CSMD1: variants seen among roughly 807,000 people sequenced by gnomAD.
CSMD1 encodes CUB and sushi domain-containing protein 1.
In CSMD1, 213 loss-of-function variants were observed where a neutral mutation model predicts 417.5. The observed-to-expected ratio is 0.51, with a 90% CI of 0.46 to 0.57. The LOEUF (loss-of-function observed/expected upper bound fraction) is 0.57, where lower values mean the gene tolerates loss of function less well. CSMD1 is among the 20% of genes least tolerant of loss of function. The probability of loss-of-function intolerance (pLI) is 0.00; values close to 1 mark genes in which losing one functional copy is unlikely to be tolerated. For synonymous variants in CSMD1, 2,862 were observed against 1,736.8 expected (o/e 1.65, Z -16.11); for missense variants, 6,923 against 4,529.7 (o/e 1.53, Z -15.17).
chr8:3,751,966 G>C (rs1398086456), intron 6 of CSMD1, among the ~76,000 whole-genome samples: 3 of 152,166 alleles, frequency 2.0e-5, no homozygotes, highest in Admixed American at 2.0e-4. Flanking sequence ...TTATGGTTAT[G>C]TTAAATCTGG....
chr8:3,345,587 G>C (rs1807937056), intron 22 of CSMD1, among the ~76,000 whole-genome samples: 1 of 152,142 alleles, frequency 6.6e-6, no homozygotes, highest in African/African-American at 2.4e-5. Flanking sequence ...ACATTTCCTA[G>C]TTATATTTTT....
rs145795321 is a variant in CSMD1, at chr8:3,502,558, G to A, written c.1345-8832C>T. ...AAGGAAATGAGCTGTCAAGCCATGA[G>A]AAAACATGGGGGAAAACTAAATATA... On this transcript the variant is annotated intron_variant, in intron 10 of 69. Coordinates refer to ENST00000635120, the MANE Select transcript of CSMD1 (RefSeq NM_033225.6). 1.9e-3 allele frequency among the ~76,000 whole-genome samples: 288 copies of A among 152,196 alleles called. 1 individual carries two copies. Among genetic ancestry groups the A allele is most frequent in the African/African-American group, 6.7e-3 (278 of 41,538 alleles).
At chr8:3,904,682 G>T (rs1394119872) in intron 5 of CSMD1, among the ~76,000 whole-genome samples, 1 of 146,426 alleles carries the variant, frequency 6.8e-6, no homozygotes, top group South Asian at 2.1e-4. Flanking sequence ...TGTCACCCCG[G>T]TTGGACTGCA....
intron 7 of CSMD1, among the ~76,000 whole-genome samples, chr8:3,625,677 A>G (rs1563210258): frequency 2.6e-5 from 4 of 152,184 alleles, no homozygotes; most frequent in South Asian, 4.1e-4. Context: ...TATTGTACAT[A>G]AAAAATAAAA....
At chr8:4,941,854 C>G (rs553415934) in intron 1 of CSMD1, among the ~76,000 whole-genome samples, 5 of 152,178 alleles carry the variant, frequency 3.3e-5, no homozygotes. Flanking sequence ...CCCACCTCAG[C>G]CTACCAAAGT....
At position 3,355,590 on chromosome 8, in the gene CSMD1, A is replaced by G. The variant is rs997162592; in HGVS notation, c.3304+3562T>C. On this transcript the variant is annotated intron_variant, in intron 21 of 69. Coordinates refer to ENST00000635120, the MANE Select transcript of CSMD1 (RefSeq NM_033225.6). ...AAGCGATCTTCACATAGCTGTTTCC[A>G]CAGAACTGCACGATGTGGGGCTACA... Among the ~76,000 whole-genome samples, 3 of 152,128 alleles carry G rather than the reference A, an allele frequency of 2.0e-5. 1 individual carries two copies. The highest frequency in any genetic ancestry group is 2.0e-4 in the Admixed American group (3 of 15,274).
chr8:3,616,990 T>G (rs1398073835), intron 7 of CSMD1, among the ~76,000 whole-genome samples, 193 bp from the exon 8 acceptor site: 1 of 152,154 alleles, frequency 6.6e-6, no homozygotes, highest in Non-Finnish European at 1.5e-5. Flanking sequence ...ACATGTGTTT[T>G]CCAGTGAAAG....
chr8:4,889,191 G>A (rs918393468), intron 1 of CSMD1, among the ~76,000 whole-genome samples: 3 of 152,032 alleles, frequency 2.0e-5, no homozygotes, highest in Non-Finnish European at 4.4e-5. Flanking sequence ...TGACAGACAT[G>A]CCCCAACCAA....
chr8:4,007,902 T>TA (rs148416645), intron 4 of CSMD1, among the ~76,000 whole-genome samples: 4,198 of 151,998 alleles, frequency 0.028, 190 homozygotes, highest in African/African-American at 0.095. Context: ...GAATGAGTGT[T>TA]AAAAAAAAGT....
chr8:4,039,846 C>A (rs1797797083), intron 3 of CSMD1, among the ~76,000 whole-genome samples: 1 of 152,134 alleles, frequency 6.6e-6, no homozygotes, highest in Non-Finnish European at 1.5e-5. Context: ...TGGGTTTCTG[C>A]TCCAGAAAGT....
intron 19 of CSMD1, among the ~76,000 whole-genome samples, chr8:3,367,789 T>C (rs537259897): frequency 1.3e-5 from 2 of 152,298 alleles, no homozygotes; most frequent in South Asian, 2.1e-4. Flanking sequence ...GATGTACATA[T>C]TGGCATAGAT....
chr8:4,030,596 T>G (rs1275846304), intron 4 of CSMD1, among the ~76,000 whole-genome samples: 1 of 152,160 alleles, frequency 6.6e-6, no homozygotes, highest in Non-Finnish European at 1.5e-5. Context: ...TCCAGGCCTG[T>G]GATGGGAGGG....
At chr8:3,683,040 C>T (rs2117619375) in intron 7 of CSMD1, among the ~76,000 whole-genome samples, 1 of 152,026 alleles carries the variant, frequency 6.6e-6, no homozygotes, top group South Asian at 2.1e-4. Context: ...ACACCAGGGA[C>T]TGTTGTGGGG....
chr8:3,053,569 G>C (rs1003579967), intron 49 of CSMD1, among the ~76,000 whole-genome samples: 2 of 152,116 alleles, frequency 1.3e-5, no homozygotes, highest in Admixed American at 6.5e-5. Context: ...GCATCTAGTG[G>C]GGATGTGGAC....
intron 20 of CSMD1, among the ~76,000 whole-genome samples, chr8:3,366,128 G>T (rs538881438): frequency 6.6e-6 from 1 of 152,224 alleles, no homozygotes; most frequent in South Asian, 2.1e-4. Context: ...TGGGCTATGA[G>T]GAATAAGGAA....
chr8:3,069,575 G>C (rs1424182077), intron 49 of CSMD1, among the ~76,000 whole-genome samples: 5 of 152,184 alleles, frequency 3.3e-5, no homozygotes, highest in Admixed American at 6.5e-5. Flanking sequence ...CCACTACAAG[G>C]GGTGGTTTCG....
chr8:4,030,880 T>C (rs370003264), intron 4 of CSMD1, among the ~76,000 whole-genome samples: 1 of 152,174 alleles, frequency 6.6e-6, no homozygotes, highest in East Asian at 1.9e-4. Flanking sequence ...CCCCAAATCA[T>C]CTCTCTCAAG....
intron 1 of CSMD1, among the ~76,000 whole-genome samples, chr8:4,961,457 C>T (rs1318687470): frequency 2.6e-5 from 4 of 152,122 alleles, no homozygotes; most frequent in African/African-American, 9.7e-5. Context: ...TTGATTTCCT[C>T]AATACAGTGA....
Position 3,919,352 on chromosome 8 carries a change from C to T in CSMD1, c.818+78551G>A, listed in dbSNP as rs148645794. On this transcript the variant is annotated intron_variant, in intron 5 of 69. Coordinates refer to ENST00000635120, the MANE Select transcript of CSMD1 (RefSeq NM_033225.6). ...CGTGGGCCAGTTTCATTCCTCTGCA[C>T]GACATACTCAGTTGTCTCAATCTCA... is the stretch of plus-strand genomic sequence containing the variant. Among the ~76,000 whole-genome samples, 266 of 152,176 alleles carry T rather than the reference C, an allele frequency of 1.7e-3. 2 individuals carry two copies. The highest frequency in any genetic ancestry group is 5.7e-3 in the African/African-American group (236 of 41,538).
Sources: gnomAD v4.1 joint callset for allele counts (sites outside exome capture counted in the v4.1 genomes callset) on GRCh38, gnomAD v4.1.1 for gene constraint, MANE v1.5 for transcripts, NCBI Gene and HGNC (gene_info 2026-07-23, HGNC 2026-07-21) for gene names.